The following MEIOC variants were observed in gnomAD, a reference collection of about 807,000 sequenced individuals.
MEIOC encodes the protein meiosis specific with coiled-coil domain.
Under a neutral mutation model 85.3 loss-of-function variants are expected in MEIOC, and 9 were observed. The ratio of observed to expected loss-of-function variants is 0.11; its 90% CI spans 0.06 to 0.18. MEIOC has a LOEUF of 0.18. MEIOC is among the 10% of genes least tolerant of loss of function. The pLI, the probability that MEIOC is intolerant of heterozygous loss-of-function variation, is 1.00. For missense variants in MEIOC, 898 were observed against 1,129.4 expected, an observed-to-expected ratio of 0.80 and a Z score of 2.94; for synonymous variants, 365 against 393.7, an observed-to-expected ratio of 0.93 and a Z score of 0.86.
Position 44,674,501 on chromosome 17 carries a change from A to C in MEIOC, c.*305A>C. ...TTAAACTCATTCTGCCATGCAGGTA[A>C]ATGCAAATGTGAAATTCTTCTAGGA... On this transcript the variant is annotated 3_prime_UTR_variant, in exon 8 of 8. Coordinates refer to ENST00000409122, the MANE Select transcript of MEIOC (RefSeq NM_001145080.3). 2.8e-6 allele frequency: 3 copies of C among 1,064,316 alleles called. No individual in the cohort carries two copies. Among genetic ancestry groups the C allele is most frequent in the Non-Finnish European group, 3.4e-6 (3 of 878,886 alleles). 65.9% of individuals were successfully genotyped at this position (1,064,316 alleles called of 1,614,324 possible).
chr17:44,663,270 G>GATGATC (rs1971863392), intron 3 of MEIOC, among the ~76,000 whole-genome samples: 1 of 147,622 alleles, frequency 6.8e-6, no homozygotes, highest in Non-Finnish European at 1.5e-5. Flanking sequence ...TTATAATCTT[G>GATGATC]ATGATGATGA....
At chr17:44,673,912 G>T (rs918052995) in intron 7 of MEIOC, 64 bp from the exon 8 acceptor site, 47 of 1,505,912 alleles carry the variant, frequency 3.1e-5, no homozygotes, top group Non-Finnish European at 4.1e-5. Flanking sequence ...ACTGGGTTTT[G>T]TAAGATTTAA....
downstream of MEIOC, among the ~76,000 whole-genome samples, chr17:44,676,550 C>T (rs562400439): frequency 7.2e-5 from 11 of 152,128 alleles, no homozygotes; most frequent in Admixed American, 6.5e-4. Context: ...AGCTGGGTGC[C>T]GGTGGATCAC....
Position 44,656,650 on chromosome 17 carries a change from C to T in MEIOC, c.37C>T (p.His13Tyr), listed in dbSNP as rs960888355. 1 of 1,490,388 alleles carries T rather than the reference C, an allele frequency of 6.7e-7. No homozygotes were observed. The highest frequency in any genetic ancestry group is 1.5e-5 in the African/African-American group (1 of 68,498). 92.3% of individuals were successfully genotyped at this position (1,490,388 alleles called of 1,614,324 possible). A position where few individuals can be genotyped will look rare whatever the true frequency, so the allele number is the denominator to read the frequency against. The change falls in exon 1 of 8, where the codon CAC becomes TAC. Residue 13 changes from histidine to tyrosine, a missense_variant. Physicochemically the swap from His to Tyr is moderately conservative, Grantham distance 83. Around this residue, in one of 2 missense-constraint regions of MEIOC, gnomAD observed 734 missense variants for 860.1 expected, o/e 0.85. Transcript: ENST00000409122. ...VRRGDTCPRP[H>Y]PSGLREEGLE... ...ACGCGGAGACACCTGCCCGCGCCCTCACCCCTCAGGCCTGAGGGAGGAAGG... is the reference window on the plus strand; with the variant it reads ...ACGCGGAGACACCTGCCCGCGCCCTTACCCCTCAGGCCTGAGGGAGGAAGG...
chr17:44,674,389 G>A lies in MEIOC; in HGVS notation c.*193G>A, dbSNP rs1023219548. ...GAATCCGATATAGTTTTAAGTAAAC[G>A]CAAAGGTACAGTTGACTACTCAGAG... On this transcript the variant is annotated 3_prime_UTR_variant, in exon 8 of 8. Coordinates refer to ENST00000409122, the MANE Select transcript of MEIOC (RefSeq NM_001145080.3). The A allele has an allele frequency of 5.1e-6, 7 of 1,372,160 alleles. No individual in the cohort carries two copies. Among genetic ancestry groups the A allele is most frequent in the South Asian group, 1.8e-5 (1 of 55,908 alleles). The allele number at this position is 1,372,160 out of a possible 1,614,324, so 85.0% of individuals were successfully genotyped here.
chr17:44,662,564 A>G (rs1971855889), intron 3 of MEIOC, 93 bp downstream of exon 3: 1 of 870,100 alleles, frequency 1.1e-6, no homozygotes, highest in African/African-American at 1.7e-5. Flanking sequence ...CTACATTATC[A>G]TTTTACTATT....
At position 44,667,901 on chromosome 17, in the gene MEIOC, T is replaced by G; in HGVS notation, c.1990T>G (p.Cys664Gly). The part of the protein sequence containing the change: ...NSRVNRTQVS[C>G]FSNNYMMGDL... The stretch of plus-strand genomic sequence containing the variant: ...CCGTGTGAATCGCACACAAGTGTCA[T>G]GCTTTTCTAATAATTATATGATGGG... Residue 664 changes from cysteine (C) to glycine (G), a missense_variant, in exon 5 of 8, where the codon TGC becomes GGC. Transcript: ENST00000409122. 3 of 1,613,898 alleles carry G rather than the reference T, an allele frequency of 1.9e-6. No individual in the cohort carries two copies. Among genetic ancestry groups the G allele is most frequent in the Non-Finnish European group, 2.5e-6 (3 of 1,179,830 alleles).
At chr17:44,663,112 A>G (rs1016947412) in intron 3 of MEIOC, among the ~76,000 whole-genome samples, 1 of 152,074 alleles carries the variant, frequency 6.6e-6, no homozygotes, top group African/African-American at 2.4e-5. Flanking sequence ...TTCCTTCACA[A>G]CTCTACAACA....
In MEIOC at chr17:44,667,604, C is replaced by G. The variant is rs1393131869; in HGVS notation, c.1693C>G (p.Leu565Val). 1.2e-6 allele frequency: 2 copies of G among 1,613,264 alleles called. No individual in the cohort carries two copies. Among genetic ancestry groups the G allele is most frequent in the Non-Finnish European group, 1.7e-6 (2 of 1,179,696 alleles). Residue 565 changes from leucine to valine, a missense_variant, in exon 5 of 8, where the codon CTA (leucine) becomes GTA (valine). By Grantham distance (32) the Leu-to-Val change is conservative. This residue lies in a region of MEIOC where 734 missense variants were observed against 860.1 expected (regional missense o/e 0.85). Coordinates refer to ENST00000409122, the MANE Select transcript of MEIOC (RefSeq NM_001145080.3). ...RIQSVNHIEG[L>V]TKPGEENLFK... ...CCAATCTGTCAATCACATAGAAGGACTAACAAAGCCTGGAGAAGAAAATCT... is the reference window on the plus strand; with the variant it reads ...CCAATCTGTCAATCACATAGAAGGAGTAACAAAGCCTGGAGAAGAAAATCT...
At position 44,673,078 on chromosome 17, in the gene MEIOC, C is replaced by A. The variant is rs1012774343; in HGVS notation, c.2458-288C>A. 7.1e-5 allele frequency: 21 copies of A among 293,916 alleles called. No homozygotes were observed. In the South Asian group the frequency reaches 1.9e-3, roughly 26 times the overall value. The allele number at this position is 293,916 out of a possible 1,614,324, so 18.2% of individuals were successfully genotyped here. On this transcript the variant is annotated intron_variant, in intron 6 of 7. Transcript: ENST00000409122. ...TTATTTGTCAAAAACAGTATCAGAT[C>A]TTGTATTTGCAGTTAATGACATGGT...
chr17:44,673,256 T>G, intron 6 of MEIOC, 110 bp from the exon 7 acceptor site: 1 of 760,630 alleles, frequency 1.3e-6, no homozygotes, highest in Non-Finnish European at 2.0e-6. Flanking sequence ...TTCTTTGATT[T>G]ATTGAATGAA....
At chr17:44,665,288 A>G (rs557147617) in intron 3 of MEIOC, 96 bp from the exon 4 acceptor site, 5 of 880,394 alleles carry the variant, frequency 5.7e-6, no homozygotes, top group African/African-American at 3.5e-5. Context: ...GTGTAGATTC[A>G]GTCCACATAT....
intron 2 of MEIOC, among the ~76,000 whole-genome samples, chr17:44,661,352 C>T (rs919728722): frequency 6.8e-6 from 1 of 146,930 alleles, no homozygotes. Context: ...AGGAAAAAGA[C>T]CTTCAGTTTT....
Position 44,674,130 on chromosome 17 carries a change from T to A in MEIOC, c.2793T>A (p.Asp931Glu). 6.4e-7 allele frequency: 1 copy of A among 1,551,664 alleles called. No individual in the cohort carries two copies. The highest frequency in any genetic ancestry group is 8.7e-7 in the Non-Finnish European group (1 of 1,146,984). The change falls in exon 8 of 8, where the codon GAT (aspartate) becomes GAA (glutamate). Residue 931 changes from aspartate to glutamate, a missense_variant. Physicochemically the swap from Asp to Glu is conservative, Grantham distance 45. Around this residue, in one of 2 missense-constraint regions of MEIOC, gnomAD observed 164 missense variants for 269.2 expected, o/e 0.61. Coordinates refer to ENST00000409122, the MANE Select transcript of MEIOC (RefSeq NM_001145080.3). ...TACAAGATACAGTAAACTGTGAAGA[T>A]AAAGTCCATGAAAGCATAAATAGTA... ...KPLQDTVNCE[D>E]KVHESINSSN...
chr17:44,661,478 T>C (rs755329790), intron 2 of MEIOC, among the ~76,000 whole-genome samples: 14 of 152,108 alleles, frequency 9.2e-5, no homozygotes, highest in Admixed American at 3.3e-4. Flanking sequence ...ATATGTGAAA[T>C]TTATTTGAAT....
chr17:44,658,255 C>T (rs1251960306), intron 2 of MEIOC, among the ~76,000 whole-genome samples: 3 of 148,908 alleles, frequency 2.0e-5, no homozygotes, highest in Admixed American at 6.7e-5. Flanking sequence ...CCCAGGTTCA[C>T]GCCATTCTCC....
At chr17:44,658,280 G>A (rs1245611206) in intron 2 of MEIOC, among the ~76,000 whole-genome samples, 5 of 144,992 alleles carry the variant, frequency 3.4e-5, no homozygotes, top group South Asian at 2.2e-4. Flanking sequence ...TCAGCCTCCC[G>A]AGTAGCTGGG....
chr17:44,656,598 G>C lies in MEIOC; in HGVS notation c.-16G>C. On this transcript the variant is annotated 5_prime_UTR_variant, in exon 1 of 8. Coordinates refer to ENST00000409122, the MANE Select transcript of MEIOC (RefSeq NM_001145080.3). ...CAGGAGCTGTGCCTAGTCCAGGAGAGGCTGGGGGGCGCCCCATGGAGGTGA... is the reference window on the plus strand; with the variant it reads ...CAGGAGCTGTGCCTAGTCCAGGAGACGCTGGGGGGCGCCCCATGGAGGTGA... The C allele has an allele frequency of 6.8e-7, 1 of 1,469,844 alleles. No individual in the cohort carries two copies. Among genetic ancestry groups the C allele is most frequent in the Non-Finnish European group, 9.0e-7 (1 of 1,107,926 alleles). The allele number at this position is 1,469,844 out of a possible 1,614,324, so 91.1% of individuals were successfully genotyped here.
intron 2 of MEIOC, among the ~76,000 whole-genome samples, chr17:44,660,708 G>A (rs1971831080): frequency 6.6e-6 from 1 of 152,128 alleles, no homozygotes; most frequent in African/African-American, 2.4e-5. Context: ...AATAAACAAT[G>A]TATAAATTAG....
Sources: allele counts gnomAD v4.1 joint callset (sites outside exome capture counted in the v4.1 genomes callset), GRCh38; gene constraint gnomAD v4.1.1; regional missense constraint gnomAD v4.1.1; transcripts MANE v1.5; gene names NCBI Gene and HGNC (gene_info 2026-07-23, HGNC 2026-07-21).